The following ASTN1 variants were observed in gnomAD, a reference collection of about 807,000 sequenced individuals.
The protein encoded by ASTN1 is astrotactin-1.
ASTN1 carries 41 observed loss-of-function variants against 140.7 expected under a neutral mutation model. That is an observed-to-expected ratio of 0.29 (90% CI 0.23 to 0.38). The LOEUF is 0.38. Ranked by LOEUF, ASTN1 falls within the 10% of genes least tolerant of loss-of-function variation. The pLI is 1.00. For synonymous variants in ASTN1, 640 were observed against 652.2 expected (o/e 0.98, Z 0.29); for missense variants, 1,479 against 1,678.8 (o/e 0.88, Z 2.08).
At chr1:177,125,366 G>T (rs1477694370) in intron 1 of ASTN1, among the ~76,000 whole-genome samples, 2 of 152,184 alleles carry the variant, frequency 1.3e-5, no homozygotes, top group Non-Finnish European at 2.9e-5. Context: ...ACTATGCAAA[G>T]ATTAAGTGGA....
intron 7 of ASTN1, among the ~76,000 whole-genome samples, chr1:177,019,729 G>T (rs1675724536): frequency 6.6e-6 from 1 of 152,172 alleles, no homozygotes; most frequent in South Asian, 2.1e-4. Context: ...TACAGAGGGA[G>T]GCTGGAATGA....
chr1:176,903,900 C>T (rs1397197746), intron 16 of ASTN1, among the ~76,000 whole-genome samples: 1 of 152,206 alleles, frequency 6.6e-6, no homozygotes, highest in Non-Finnish European at 1.5e-5. Context: ...TCTGGTGGCT[C>T]CCAGCTGTCC....
intron 12 of ASTN1, among the ~76,000 whole-genome samples, chr1:176,948,730 G>A (rs1672059716): frequency 6.6e-6 from 1 of 152,160 alleles, no homozygotes; most frequent in African/African-American, 2.4e-5. Flanking sequence ...GACTTTGGGG[G>A]CAGAATTTAG....
chr1:177,053,590 T>A (rs1361675739), intron 2 of ASTN1, among the ~76,000 whole-genome samples: 3 of 152,208 alleles, frequency 2.0e-5, no homozygotes, highest in Non-Finnish European at 4.4e-5. Flanking sequence ...AAAACAGTGT[T>A]AAATAATCAA....
Position 176,868,895 on chromosome 1 carries a change from T to C in ASTN1, c.3596A>G (p.Tyr1199Cys). The change falls in exon 22 of 23, where the codon TAT becomes TGT. Residue 1199 changes from tyrosine (Y) to cysteine (C), a missense_variant. Tyr to Cys is a radical substitution (Grantham distance 194). This residue lies in a region of ASTN1 where 746 missense variants were observed against 800.9 expected (regional missense o/e 0.93). Coordinates refer to ENST00000361833, the MANE Select transcript of ASTN1 (RefSeq NM_004319.3). Reference protein sequence around the residue: ...HRVLYHYNQHYESFGEFTWRC... With the variant: ...HRVLYHYNQHCESFGEFTWRC... Reference sequence around the variant, plus strand: ...CCAGGTGAATTCCCCAAAACTCTCATAGTGCTGGTTATAGTGGTAGAGGAC... The same window carrying C: ...CCAGGTGAATTCCCCAAAACTCTCACAGTGCTGGTTATAGTGGTAGAGGAC... 6.2e-7 allele frequency: 1 copy of C among 1,609,810 alleles called. No individual in the cohort carries two copies. The highest frequency in any genetic ancestry group is 8.5e-7 in the Non-Finnish European group (1 of 1,177,266).
chr1:176,929,537 C>T (rs554551282), intron 16 of ASTN1, among the ~76,000 whole-genome samples: 93 of 152,200 alleles, frequency 6.1e-4, no homozygotes, highest in Admixed American at 2.7e-3. Flanking sequence ...GACTTCTGGC[C>T]CCAGAACTCT....
At chr1:177,121,785 C>A (rs1390913983) in intron 1 of ASTN1, among the ~76,000 whole-genome samples, 4 of 152,150 alleles carry the variant, frequency 2.6e-5, no homozygotes, top group South Asian at 2.1e-4. Context: ...CAGGTCCCTG[C>A]CAAGAGTCTA....
At position 176,864,458 on chromosome 1, in the gene ASTN1, C is replaced by T. The variant is rs1456290763; in HGVS notation, c.3711G>A (p.Gln1237=). ...DLSSWCNGLL[Q]EPKISLRRSS... ...TGCGCCGCAAGCTTATCTTGGGTTCCTGAAGGAGTCCATTGCACCAACTGC... is the reference window on the plus strand; with the variant it reads ...TGCGCCGCAAGCTTATCTTGGGTTCTTGAAGGAGTCCATTGCACCAACTGC... Residue 1237 remains glutamine (Q), a synonymous_variant, in exon 23 of 23, where the codon CAG becomes CAA. Transcript: ENST00000361833. The T allele has an allele frequency of 3.7e-6, 6 of 1,614,042 alleles. No homozygotes were observed. The highest frequency in any genetic ancestry group is 5.1e-6 in the Non-Finnish European group (6 of 1,180,040).
chr1:176,887,560 T>G (rs1314211360), intron 18 of ASTN1, among the ~76,000 whole-genome samples: 1 of 152,216 alleles, frequency 6.6e-6, no homozygotes, highest in Non-Finnish European at 1.5e-5. Context: ...CTCTACCACT[T>G]TGGAAAATCA....
intron 8 of ASTN1, among the ~76,000 whole-genome samples, chr1:176,991,428 AAAAAAACC>A: frequency 8.9e-5 from 1 of 11,218 alleles, no homozygotes; most frequent in Non-Finnish European, 2.4e-4. Context: ...AAAAAAAAAA[AAAAAAACC>A]AAAAAAAAAA....
Position 176,946,018 on chromosome 1 carries a change from G to A in ASTN1, c.2157C>T (p.Pro719=). 6.2e-7 allele frequency: 1 copy of A among 1,614,140 alleles called. No homozygotes were observed. The highest frequency in any genetic ancestry group is 1.3e-5 in the African/African-American group (1 of 75,060). The change falls in exon 13 of 23, where the codon CCC becomes CCT. Residue 719 remains proline (P), a synonymous_variant. Coordinates refer to ENST00000361833, the MANE Select transcript of ASTN1 (RefSeq NM_004319.3). ...GSDCGESREL[P]MNQTLFGEMF... ...TCTCCCCAAAGAGGGTCTGGTTCAT[G>A]GGAAGCTCCCTGCTTTCCCCACAGT... is the stretch of plus-strand genomic sequence containing the variant.
chr1:177,037,488 T>G (rs1676777132), intron 2 of ASTN1, among the ~76,000 whole-genome samples: 1 of 152,242 alleles, frequency 6.6e-6, no homozygotes, highest in Non-Finnish European at 1.5e-5. Flanking sequence ...TGCACATGTC[T>G]TGCTTTGAGT....
chr1:176,931,291 AC>A (rs1202692031), intron 16 of ASTN1, among the ~76,000 whole-genome samples: 2 of 151,944 alleles, frequency 1.3e-5, no homozygotes, highest in African/African-American at 4.8e-5. Flanking sequence ...ACACGGAGAA[AC>A]CCCGTCTCTA....
intron 8 of ASTN1, among the ~76,000 whole-genome samples, chr1:176,978,362 G>C (rs116005097): frequency 6.6e-6 from 1 of 152,210 alleles, no homozygotes; most frequent in Non-Finnish European, 1.5e-5. Context: ...AAATGGGAAA[G>C]AGAAACCCAG....
At chr1:177,046,045 T>C (rs549946652) in intron 2 of ASTN1, among the ~76,000 whole-genome samples, 1 of 152,334 alleles carries the variant, frequency 6.6e-6, no homozygotes, top group South Asian at 2.1e-4. Context: ...CTTAACTTCA[T>C]TCTATAATTG....
intron 16 of ASTN1, among the ~76,000 whole-genome samples, chr1:176,911,718 C>T (rs1047276415): frequency 2.0e-5 from 3 of 152,158 alleles, no homozygotes; most frequent in Admixed American, 6.6e-5. Flanking sequence ...TCCTGGAAGA[C>T]CTGCCTGAAG....
At chr1:177,045,757 T>C (rs138527788) in intron 2 of ASTN1, among the ~76,000 whole-genome samples, 7 of 152,134 alleles carry the variant, frequency 4.6e-5, no homozygotes, top group African/African-American at 1.7e-4. Context: ...TCTAGTAAAA[T>C]AAACTAACCT....
intron 5 of ASTN1, among the ~76,000 whole-genome samples, chr1:177,027,750 G>C (rs575855415): frequency 1.5e-3 from 229 of 148,224 alleles, no homozygotes; most frequent in Middle Eastern, 6.8e-3. Flanking sequence ...GTGTGTGTGT[G>C]TGTGTGTGTG....
chr1:177,055,721 A>G (rs952790408), intron 2 of ASTN1, among the ~76,000 whole-genome samples: 1 of 152,242 alleles, frequency 6.6e-6, no homozygotes, highest in Non-Finnish European at 1.5e-5. Flanking sequence ...ATATGCCTAA[A>G]TGTCTCCATT....
Sources: gnomAD v4.1 joint callset for allele counts (sites outside exome capture counted in the v4.1 genomes callset) on GRCh38, gnomAD v4.1.1 for gene constraint, gnomAD v4.1.1 regional missense constraint, MANE v1.5 for transcripts, NCBI Gene and HGNC (gene_info 2026-07-23, HGNC 2026-07-21) for gene names.